The following IFT25 variants were observed in gnomAD, a reference collection of about 807,000 sequenced individuals.
The protein encoded by IFT25 is intraflagellar transport protein 25 homolog.
chr1:53,924,944 CTG>C, the IFT25 span, among the ~76,000 whole-genome samples: 4 of 152,206 alleles, frequency 2.6e-5, no homozygotes, highest in East Asian at 1.9e-4. Context: ...AGAGAAGTCT[CTG>C]TGTTTCTGTT....
chr1:53,930,057 C>T, the IFT25 span: 4 of 1,551,652 alleles, frequency 2.6e-6, no homozygotes, highest in African/African-American at 1.4e-5. Context: ...CTTTGGATTA[C>T]AAGCCTTTCA....
chr1:53,939,725 G>A, the IFT25 span: 2 of 384,710 alleles, frequency 5.2e-6, no homozygotes, highest in Non-Finnish European at 9.1e-6. Context: ...AGTTGTTTGA[G>A]TTTTTGCCTT....
the IFT25 span, among the ~76,000 whole-genome samples, chr1:53,932,454 T>C: frequency 1.3e-5 from 2 of 152,224 alleles, no homozygotes; most frequent in Non-Finnish European, 2.9e-5. Context: ...TATCTTTTTG[T>C]TGTTTATTTC....
At chr1:53,942,436 G>T in the IFT25 span, among the ~76,000 whole-genome samples, 909 of 152,282 alleles carry the variant, frequency 6.0e-3, 8 homozygotes, top group African/African-American at 0.021. Flanking sequence ...GAATTATATT[G>T]GAAAGTGGCT....
At chr1:53,942,122 T>C in the IFT25 span, among the ~76,000 whole-genome samples, 2 of 152,310 alleles carry the variant, frequency 1.3e-5, no homozygotes, top group South Asian at 2.1e-4. Context: ...TCAGCTGATA[T>C]GCTAGGTGAC....
the IFT25 span, among the ~76,000 whole-genome samples, chr1:53,933,551 T>C: frequency 6.6e-6 from 1 of 152,276 alleles, no homozygotes; most frequent in Non-Finnish European, 1.5e-5. Flanking sequence ...GACTTTCTTA[T>C]GTAAACTGTT....
the IFT25 span, among the ~76,000 whole-genome samples, chr1:53,925,418 T>C: frequency 6.6e-6 from 1 of 151,744 alleles, no homozygotes; most frequent in Non-Finnish European, 1.5e-5. Flanking sequence ...CCCAGCATTT[T>C]GGGAGGCTGA....
the IFT25 span, among the ~76,000 whole-genome samples, chr1:53,912,210 G>C: frequency 6.6e-6 from 1 of 152,142 alleles, no homozygotes; most frequent in South Asian, 2.1e-4. Flanking sequence ...CTTCCAATTC[G>C]TGTCTACAAA....
At chr1:53,913,728 A>C in the IFT25 span, among the ~76,000 whole-genome samples, 5 of 152,144 alleles carry the variant, frequency 3.3e-5, no homozygotes, top group African/African-American at 1.2e-4. Context: ...GACAGGGCCT[A>C]TATAGAGGTA....
chr1:53,917,496 C>T, the IFT25 span, among the ~76,000 whole-genome samples: 18 of 152,204 alleles, frequency 1.2e-4, no homozygotes, highest in Admixed American at 1.0e-3. Context: ...AGGAATAACA[C>T]CCAGTCTACA....
chr1:53,940,116 CAAAA>C, the IFT25 span: 2 of 1,208,066 alleles, frequency 1.7e-6, no homozygotes, highest in African/African-American at 3.1e-5. Context: ...TAAAAAATAA[CAAAA>C]AAAGCAACTT....
the IFT25 span, among the ~76,000 whole-genome samples, chr1:53,917,533 T>G: frequency 6.6e-6 from 1 of 152,068 alleles, no homozygotes; most frequent in Non-Finnish European, 1.5e-5. Context: ...TATCTTAAAA[T>G]GTCCTTTTTT....
the IFT25 span, among the ~76,000 whole-genome samples, chr1:53,925,882 T>C: frequency 2.0e-5 from 3 of 151,374 alleles, no homozygotes; most frequent in African/African-American, 4.9e-5. Context: ...GGGTGGACGA[T>C]TTGAGGTCAG....
the IFT25 span, among the ~76,000 whole-genome samples, chr1:53,919,897 C>T: frequency 2.0e-5 from 3 of 151,956 alleles, no homozygotes; most frequent in African/African-American, 7.3e-5. Flanking sequence ...TCAAGCAAAC[C>T]TACCACCTCA....
At chr1:53,942,606 T>C in the IFT25 span, among the ~76,000 whole-genome samples, 4,677 of 152,280 alleles carry the variant, frequency 0.031, 103 homozygotes, top group Non-Finnish European at 0.049. Context: ...ACATATAGGT[T>C]TGGTTGACCA....
the IFT25 span, among the ~76,000 whole-genome samples, chr1:53,927,309 T>C: frequency 6.6e-6 from 1 of 152,226 alleles, no homozygotes; most frequent in East Asian, 1.9e-4. Context: ...AGGTCTTTTT[T>C]CTAGGGCCAT....
chr1:53,931,002 G>C, the IFT25 span, among the ~76,000 whole-genome samples: 2 of 152,146 alleles, frequency 1.3e-5, no homozygotes, highest in Non-Finnish European at 2.9e-5. Context: ...ATAACTTAGT[G>C]AGTTTTGATA....
chr1:53,927,342 T>C, the IFT25 span, among the ~76,000 whole-genome samples: 1 of 152,236 alleles, frequency 6.6e-6, no homozygotes, highest in Non-Finnish European at 1.5e-5. Context: ...AAGATGAATG[T>C]TCCAGTCTCC....
At chr1:53,918,671 TC>T in the IFT25 span, among the ~76,000 whole-genome samples, 1 of 152,248 alleles carries the variant, frequency 6.6e-6, no homozygotes, top group South Asian at 2.1e-4. Context: ...CTCTTGAGTT[TC>T]CTGAAAATGG....
Sources: gnomAD v4.1 joint callset for allele counts (sites outside exome capture counted in the v4.1 genomes callset) on GRCh38, gnomAD v4.1.1 for gene constraint, MANE v1.5 for transcripts, NCBI Gene and HGNC (gene_info 2026-07-23, HGNC 2026-07-21) for gene names.